Variants in TENM2 observed in about 807,000 individuals in gnomAD.
The protein encoded by TENM2 is teneurin transmembrane protein 2, also known as teneurin-2.
In TENM2, 52 loss-of-function variants were observed where a neutral mutation model predicts 245.2. The ratio of observed to expected loss-of-function variants is 0.21; its 90% CI spans 0.17 to 0.27. The LOEUF (loss-of-function observed/expected upper bound fraction) is 0.27. Among genes scored for constraint, TENM2 ranks in the 10% least tolerant of loss-of-function variants. TENM2 has a pLI of 1.00. For missense variants in TENM2, 3,046 were observed against 3,666.8 expected, an observed-to-expected ratio of 0.83 and a Z score of 4.37; for synonymous variants, 1,363 against 1,438.9, an observed-to-expected ratio of 0.95 and a Z score of 1.19.
chr5:167,170,982 T>A, the TENM2 span, among the ~76,000 whole-genome samples: 1 of 152,340 alleles, frequency 6.6e-6, no homozygotes, highest in Non-Finnish European at 1.5e-5. Flanking sequence ...CTCAGTATCC[T>A]TTGCTGGGGG....
At chr5:167,875,986 G>C (rs2151382536) in exon 3 of TENM2, 1 of 1,550,082 alleles carries the variant, frequency 6.5e-7, no homozygotes, top group Non-Finnish European at 8.7e-7. Context: ...TCTTTCCCAG[G>C]TCGTCCCATT....
the TENM2 span, among the ~76,000 whole-genome samples, chr5:167,092,910 G>A: frequency 8.8e-4 from 134 of 152,210 alleles, 1 homozygote; most frequent in African/African-American, 3.0e-3. Flanking sequence ...AAGATGATAG[G>A]AATTACTAAA....
the TENM2 span, among the ~76,000 whole-genome samples, chr5:167,235,228 T>C: frequency 2.6e-5 from 4 of 152,162 alleles, no homozygotes; most frequent in African/African-American, 7.2e-5. Flanking sequence ...ACCAGCTGCA[T>C]TGGATTAGAG....
chr5:168,256,351 G>T (rs989513719), intron 27 of TENM2, among the ~76,000 whole-genome samples: 1 of 151,852 alleles, frequency 6.6e-6, no homozygotes, highest in Admixed American at 6.6e-5. Flanking sequence ...TAAATATATG[G>T]CTGTTGCCAG....
chr5:167,672,082 G>T (rs1225044825), intron 2 of TENM2, among the ~76,000 whole-genome samples: 1 of 152,024 alleles, frequency 6.6e-6, no homozygotes, highest in Non-Finnish European at 1.5e-5. Context: ...AAATTATGCA[G>T]TGAAAACAAA....
chr5:167,625,999 C>T (rs1365452151), intron 2 of TENM2, among the ~76,000 whole-genome samples: 1 of 152,140 alleles, frequency 6.6e-6, no homozygotes, highest in African/African-American at 2.4e-5. Context: ...TCTTCTATGA[C>T]CCAACCTTGG....
chr5:167,851,271 C>T (rs1487216317), intron 2 of TENM2, among the ~76,000 whole-genome samples: 1 of 152,060 alleles, frequency 6.6e-6, no homozygotes, highest in Non-Finnish European at 1.5e-5. Flanking sequence ...AATTCTGAGT[C>T]CTGCAATGGA....
intron 25 of TENM2, among the ~76,000 whole-genome samples, chr5:168,240,039 G>A (rs952621552): frequency 1.3e-5 from 2 of 152,126 alleles, no homozygotes; most frequent in African/African-American, 4.8e-5. Context: ...CCAACATGGC[G>A]AAACCCCGTC....
At chr5:167,808,306 C>T (rs1169996260) in intron 2 of TENM2, among the ~76,000 whole-genome samples, 1 of 152,200 alleles carries the variant, frequency 6.6e-6, no homozygotes, top group Non-Finnish European at 1.5e-5. Flanking sequence ...GTCACCCAGG[C>T]TGGAGTGCAG....
At chr5:167,210,057 A>G in the TENM2 span, among the ~76,000 whole-genome samples, 1 of 152,242 alleles carries the variant, frequency 6.6e-6, no homozygotes, top group Admixed American at 6.5e-5. Flanking sequence ...TTCAAATAGA[A>G]TTCAGGGCTA....
At chr5:167,913,308 A>G (rs1776689595) in intron 3 of TENM2, among the ~76,000 whole-genome samples, 1 of 152,176 alleles carries the variant, frequency 6.6e-6, no homozygotes, top group African/African-American at 2.4e-5. Flanking sequence ...GGGTTTTATA[A>G]ACTTTGATAA....
chr5:168,128,144 G>A (rs776219928), intron 12 of TENM2, among the ~76,000 whole-genome samples: 18 of 152,208 alleles, frequency 1.2e-4, no homozygotes, highest in Non-Finnish European at 2.4e-4. Context: ...GCCAATCAGG[G>A]CCACGACCAT....
intron 9 of TENM2, among the ~76,000 whole-genome samples, chr5:168,115,341 A>G (rs1454903508): frequency 3.4e-4 from 45 of 133,776 alleles, no homozygotes; most frequent in African/African-American, 1.1e-3. Flanking sequence ...AAGGGAAGGA[A>G]GGAAAGGAGG....
intron 2 of TENM2, among the ~76,000 whole-genome samples, chr5:167,587,078 A>T (rs889829602): frequency 5.9e-5 from 9 of 152,136 alleles, no homozygotes; most frequent in Admixed American, 5.2e-4. Context: ...GATTTTAGTA[A>T]TTCTGTTGTT....
At chr5:167,456,000 TGA>T (rs1765899455) in intron 2 of TENM2, among the ~76,000 whole-genome samples, 1 of 152,160 alleles carries the variant, frequency 6.6e-6, no homozygotes, top group African/African-American at 2.4e-5. Flanking sequence ...GAATGAATTT[TGA>T]GAGGTCTTAC....
intron 1 of TENM2, among the ~76,000 whole-genome samples, chr5:167,344,314 A>G (rs1196175359): frequency 7.2e-6 from 1 of 139,308 alleles, no homozygotes; most frequent in African/African-American, 2.8e-5. Context: ...ACACACATAT[A>G]TATATATATA....
chr5:167,398,202 TCAG>T (rs1186586068), intron 2 of TENM2, among the ~76,000 whole-genome samples: 1 of 152,044 alleles, frequency 6.6e-6, no homozygotes, highest in Non-Finnish European at 1.5e-5. Flanking sequence ...AATTTTGGAG[TCAG>T]ATAGACAAGT....
intron 13 of TENM2, among the ~76,000 whole-genome samples, chr5:168,163,493 A>G (rs1757932751): frequency 6.6e-6 from 1 of 152,206 alleles, no homozygotes; most frequent in Non-Finnish European, 1.5e-5. Flanking sequence ...AGTTGCGTAT[A>G]TGGCCAGGCA....
chr5:167,895,220 C>A (rs1403521866), intron 3 of TENM2, among the ~76,000 whole-genome samples: 1 of 151,938 alleles, frequency 6.6e-6, no homozygotes, highest in Non-Finnish European at 1.5e-5. Flanking sequence ...CTCTTCCTCT[C>A]CCCCTCCTCC....
Sources: allele counts gnomAD v4.1 joint callset (sites outside exome capture counted in the v4.1 genomes callset), GRCh38; gene constraint gnomAD v4.1.1; transcripts MANE v1.5; gene names NCBI Gene and HGNC (gene_info 2026-07-23, HGNC 2026-07-21).